TMPRSS15: variants seen among roughly 807,000 people sequenced by gnomAD.
TMPRSS15 encodes the protein enteropeptidase.
In TMPRSS15, 128 loss-of-function variants were observed where a neutral mutation model predicts 125.3. The observed-to-expected ratio is 1.02, with a 90% CI of 0.89 to 1.18. TMPRSS15 has a LOEUF of 1.18. TMPRSS15 is among the 50% of genes most tolerant of loss of function. The pLI, the probability that TMPRSS15 is intolerant of heterozygous loss-of-function variation, is 0.00. For missense variants in TMPRSS15, 1,283 were observed against 1,212.7 expected, an observed-to-expected ratio of 1.06 and a Z score of -0.86; for synonymous variants, 446 against 423.2, an observed-to-expected ratio of 1.05 and a Z score of -0.66.
At chr21:18,272,999 T>C (rs760454207) in intron 24 of TMPRSS15, among the ~76,000 whole-genome samples, 59 of 152,168 alleles carry the variant, frequency 3.9e-4, no homozygotes, top group Admixed American at 3.5e-3. Context: ...CCCACCCTCA[T>C]AGTTTCTGAT....
intron 1 of TMPRSS15, among the ~76,000 whole-genome samples, chr21:18,411,579 T>G (rs1396560425): frequency 2.6e-5 from 4 of 152,214 alleles, no homozygotes; most frequent in African/African-American, 9.6e-5. Flanking sequence ...GATCTTCTCC[T>G]TCATATCTCC....
chr21:18,273,111 T>C (rs996787985), intron 24 of TMPRSS15, among the ~76,000 whole-genome samples: 7 of 152,192 alleles, frequency 4.6e-5, no homozygotes, highest in African/African-American at 1.7e-4. Context: ...TGGAATAGAA[T>C]ATGGCTTGGA....
At chr21:18,301,973 G>T (rs2146914400) in intron 18 of TMPRSS15, among the ~76,000 whole-genome samples, 1 of 152,240 alleles carries the variant, frequency 6.6e-6, no homozygotes, top group South Asian at 2.1e-4. Context: ...ATATCTCAAG[G>T]ATACTTGCAT....
chr21:18,479,712 G>A (rs150649644), intron 1 of TMPRSS15, among the ~76,000 whole-genome samples: 237 of 152,104 alleles, frequency 1.6e-3, no homozygotes, highest in African/African-American at 5.4e-3. Flanking sequence ...CAGTTAGAAT[G>A]GCGATCATTA....
intron 21 of TMPRSS15, among the ~76,000 whole-genome samples, chr21:18,282,562 A>G (rs978162826): frequency 4.6e-5 from 7 of 152,228 alleles, no homozygotes; most frequent in African/African-American, 7.2e-5. Context: ...TTGGTCAGGT[A>G]GCAGTCATCA....
chr21:18,311,452 A>C (rs974633063), intron 18 of TMPRSS15, among the ~76,000 whole-genome samples: 1 of 152,346 alleles, frequency 6.6e-6, no homozygotes, highest in Non-Finnish European at 1.5e-5. Context: ...ATTTCTCAAA[A>C]AAAGACATAC....
intron 1 of TMPRSS15, among the ~76,000 whole-genome samples, chr21:18,482,651 G>A (rs1039253618): frequency 3.3e-5 from 5 of 151,320 alleles, no homozygotes; most frequent in Admixed American, 2.6e-4. Context: ...ATATTGGTTA[G>A]GGTATACATA....
At chr21:18,472,849 T>C (rs915308585) in intron 1 of TMPRSS15, among the ~76,000 whole-genome samples, 3 of 152,074 alleles carry the variant, frequency 2.0e-5, no homozygotes, top group Admixed American at 6.6e-5. Context: ...ATCAATGACC[T>C]TGTTGAAAAT....
intron 1 of TMPRSS15, among the ~76,000 whole-genome samples, chr21:18,462,090 C>G (rs1227256829): frequency 1.3e-5 from 2 of 152,004 alleles, no homozygotes; most frequent in African/African-American, 2.4e-5. Flanking sequence ...GAGGCACAAC[C>G]AAGATTACTG....
Position 18,353,766 on chromosome 21 carries a change from G to A in TMPRSS15, c.978C>T (p.Gly326=). Reference sequence around the variant, plus strand: ...TAAATGCAGTATATGTTGCATTAAAGCCAACATAATCACTTTCATCAGATT... The same window carrying A: ...TAAATGCAGTATATGTTGCATTAAAACCAACATAATCACTTTCATCAGATT... The part of the protein sequence containing the change: ...LIESDESDYV[G]FNATYTAFNS... The change falls in exon 9 of 25, where the codon GGC becomes GGT. Residue 326 remains glycine, a synonymous_variant. Transcript: ENST00000284885. 7 of 1,611,526 alleles carry A rather than the reference G, an allele frequency of 4.3e-6. No homozygotes were observed. Among genetic ancestry groups the A allele is most frequent in the Non-Finnish European group, 5.1e-6 (6 of 1,178,292 alleles).
chr21:18,405,834 G>A (rs1004744742), upstream of TMPRSS15, among the ~76,000 whole-genome samples: 4 of 152,028 alleles, frequency 2.6e-5, no homozygotes, highest in Non-Finnish European at 4.4e-5. Flanking sequence ...GGTATTGAAG[G>A]AATTTTTAGA....
intron 17 of TMPRSS15, among the ~76,000 whole-genome samples, chr21:18,313,784 A>G (rs966883712): frequency 6.6e-6 from 1 of 152,044 alleles, no homozygotes; most frequent in Non-Finnish European, 1.5e-5. Flanking sequence ...CAGCAAATAA[A>G]CAGAAAATAA....
chr21:18,445,206 ATTTT>A (rs71191408), intron 1 of TMPRSS15, among the ~76,000 whole-genome samples: 95 of 141,458 alleles, frequency 6.7e-4, no homozygotes, highest in Non-Finnish European at 9.3e-4. Context: ...TATATACCAC[ATTTT>A]TTTTTTTTTT....
At chr21:18,407,448 C>CTTTTTTTTTTTTTTTTTT (rs201740388), upstream of TMPRSS15, among the ~76,000 whole-genome samples, 2 of 133,196 alleles carry the variant, frequency 1.5e-5, no homozygotes, top group Non-Finnish European at 3.2e-5. Context: ...TTTTTCTTTT[C>CTTTTTTTTTTTTTTTTTT]TTTTTTTTTT....
chr21:18,359,712 C>T, intron 8 of TMPRSS15, 45 bp downstream of exon 8: 1 of 950,262 alleles, frequency 1.1e-6, no homozygotes, highest in Non-Finnish European at 1.7e-6. Flanking sequence ...AATTTACCCA[C>T]ATATTTTCAT....
chr21:18,459,273 T>A, intron 1 of TMPRSS15, among the ~76,000 whole-genome samples: 1 of 152,110 alleles, frequency 6.6e-6, no homozygotes, highest in East Asian at 1.9e-4. Flanking sequence ...CTACTCTTTT[T>A]TTTTTTTCTT....
At position 18,312,825 on chromosome 21, in the gene TMPRSS15, GCTAATGTGTATTTT is replaced by G. The variant is rs2075115434; in HGVS notation, c.2165+106_2165+119del. 8 of 1,291,960 alleles carry G rather than the reference GCTAATGTGTATTTT, an allele frequency of 6.2e-6. No homozygotes were observed. In the African/African-American group the frequency reaches 1.2e-4, roughly 19 times the overall value. 80.0% of individuals were successfully genotyped at this position (1,291,960 alleles called of 1,614,324 possible). On this transcript the variant is annotated intron_variant, in intron 18 of 24. Coordinates refer to ENST00000284885, the MANE Select transcript of TMPRSS15 (RefSeq NM_002772.3). ...TCAAGATTTTTATTTTCTCCCTTTT[GCTAATGTGTATTTT>G]CTAAATTCATAACTTTATAAATTTT...
At chr21:18,335,162 G>T (rs999575859) in intron 13 of TMPRSS15, among the ~76,000 whole-genome samples, 2 of 152,112 alleles carry the variant, frequency 1.3e-5, no homozygotes, top group Non-Finnish European at 2.9e-5. Flanking sequence ...ACCTTAATGA[G>T]ACCAGTGAAG....
At chr21:18,344,123 A>G in intron 10 of TMPRSS15, 63 bp from the exon 11 acceptor site, 1 of 1,353,208 alleles carries the variant, frequency 7.4e-7, no homozygotes, top group East Asian at 2.3e-5. Flanking sequence ...TGTGACAAGT[A>G]GACTTTGTAA....
Sources: gnomAD v4.1 joint callset for allele counts (sites outside exome capture counted in the v4.1 genomes callset) on GRCh38, gnomAD v4.1.1 for gene constraint, MANE v1.5 for transcripts, NCBI Gene and HGNC (gene_info 2026-07-23, HGNC 2026-07-21) for gene names.